ELAVL2: variants seen among roughly 807,000 people sequenced by gnomAD.
ELAVL2 encodes the protein ELAV like RNA binding protein 2, also known as ELAV-like protein 2.
Under a neutral mutation model 34.6 loss-of-function variants are expected in ELAVL2, and 4 were observed. The ratio of observed to expected loss-of-function variants is 0.12; its 90% CI spans 0.06 to 0.26. The LOEUF is 0.26. Among genes scored for constraint, ELAVL2 ranks in the 10% least tolerant of loss-of-function variants. ELAVL2 has a pLI of 1.00. For synonymous variants in ELAVL2, 193 were observed against 154.8 expected, an observed-to-expected ratio of 1.25 and a Z score of -1.83; for missense variants, 432 against 442.8, an observed-to-expected ratio of 0.98 and a Z score of 0.22.
chr9:23,848,941 G>A, the ELAVL2 span, among the ~76,000 whole-genome samples: 1 of 152,124 alleles, frequency 6.6e-6, no homozygotes, highest in South Asian at 2.1e-4. Flanking sequence ...CAACAGCCCT[G>A]GATAAGCTAA....
intron 1 of ELAVL2, among the ~76,000 whole-genome samples, chr9:23,765,375 C>T (rs934012984): frequency 1.3e-5 from 2 of 152,122 alleles, no homozygotes; most frequent in Non-Finnish European, 2.9e-5. Flanking sequence ...ATGTAAACCA[C>T]ACCTCAAAAA....
rs200956697 is a variant in ELAVL2 at position 23,759,501 on chromosome 9, T to TA, written c.229+2504dup. On this transcript the variant is annotated intron_variant, in intron 2 of 6. Coordinates refer to ENST00000397312, the MANE Select transcript of ELAVL2 (RefSeq NM_004432.5). ...GTGTGCTATTCCACAGAAGGGTGAC[T>TA]ATGGTTAGCAATATTGTATAGTATA... Among the ~76,000 whole-genome samples, 1,497 of 151,662 alleles carry TA rather than the reference T, an allele frequency of 9.9e-3. 8 individuals carry two copies. Among genetic ancestry groups the TA allele is most frequent in the Middle Eastern group, 0.024 (7 of 294 alleles).
chr9:23,824,816 C>T (rs1009854131), intron 1 of ELAVL2, among the ~76,000 whole-genome samples: 1 of 152,160 alleles, frequency 6.6e-6, no homozygotes, highest in Non-Finnish European at 1.5e-5. Context: ...CTCCTGGCGT[C>T]AATTTAACAA....
intron 3 of ELAVL2, among the ~76,000 whole-genome samples, chr9:23,706,062 C>G (rs533727436): frequency 1.2e-4 from 18 of 152,270 alleles, no homozygotes; most frequent in African/African-American, 4.1e-4. Context: ...AATGTGTGAA[C>G]AAGCCCTCAT....
At chr9:23,715,097 T>C (rs376356093) in intron 3 of ELAVL2, among the ~76,000 whole-genome samples, 14 of 152,322 alleles carry the variant, frequency 9.2e-5, no homozygotes, top group African/African-American at 3.1e-4. Flanking sequence ...CTATCTCACA[T>C]AGTCCCACCC....
At chr9:23,754,489 G>A (rs1325937406) in intron 2 of ELAVL2, among the ~76,000 whole-genome samples, 1 of 151,154 alleles carries the variant, frequency 6.6e-6, no homozygotes, top group Non-Finnish European at 1.5e-5. Flanking sequence ...GTCTTGCTCT[G>A]TCACACAGGC....
chr9:23,807,864 G>A (rs924152215), intron 1 of ELAVL2, among the ~76,000 whole-genome samples: 1 of 152,100 alleles, frequency 6.6e-6, no homozygotes, highest in African/African-American at 2.4e-5. Flanking sequence ...CAAAGCCATG[G>A]GTAAAGAGAA....
intron 3 of ELAVL2, among the ~76,000 whole-genome samples, chr9:23,715,137 C>T (rs1329040): frequency 0.23 from 34,814 of 152,096 alleles, 4,282 homozygotes; most frequent in South Asian, 0.42. Context: ...ACCTGTTGAA[C>T]GTATACATTC....
chr9:23,692,479 T>TA lies in ELAVL2; in HGVS notation c.*77dup. On this transcript the variant is annotated 3_prime_UTR_variant, in exon 7 of 7. Transcript: ENST00000397312. ...CTCAACACTGACTTACAAAGACATT[T>TA]ACTAATGTATAAAGTTTCTCTTAAC... 1 of 1,414,664 alleles carries TA rather than the reference T, an allele frequency of 7.1e-7. No homozygotes were observed. The highest frequency in any genetic ancestry group is 9.5e-7 in the Non-Finnish European group (1 of 1,052,798). The allele number at this position is 1,414,664 out of a possible 1,614,324, so 87.6% of individuals were successfully genotyped here. A position where few individuals can be genotyped will look rare whatever the true frequency, so the allele number is the denominator to read the frequency against.
intron 1 of ELAVL2, 104 bp from the exon 2 acceptor site, chr9:23,762,353 A>C (rs1342017580): frequency 5.6e-6 from 8 of 1,438,302 alleles, no homozygotes; most frequent in Non-Finnish European, 7.5e-6. Flanking sequence ...AGTCGTTCTA[A>C]TGAAATTACA....
intron 3 of ELAVL2, among the ~76,000 whole-genome samples, chr9:23,723,998 C>T (rs1163604506): frequency 6.6e-6 from 1 of 152,144 alleles, no homozygotes; most frequent in East Asian, 1.9e-4. Flanking sequence ...TCTTTTAATT[C>T]CAATGGAGGT....
intron 1 of ELAVL2, among the ~76,000 whole-genome samples, chr9:23,797,660 G>C (rs1474047442): frequency 6.6e-6 from 1 of 152,248 alleles, no homozygotes; most frequent in Non-Finnish European, 1.5e-5. Flanking sequence ...GGGCGTGGTG[G>C]CTTACGCCTG....
intron 2 of ELAVL2, among the ~76,000 whole-genome samples, chr9:23,751,008 G>GT (rs1176295488): frequency 3.3e-5 from 5 of 152,102 alleles, no homozygotes; most frequent in African/African-American, 1.2e-4. Flanking sequence ...GACTTTCTCA[G>GT]TATTAAGTCC....
chr9:23,830,829 T>C (rs1285702712), upstream of ELAVL2, among the ~76,000 whole-genome samples: 2 of 151,968 alleles, frequency 1.3e-5, no homozygotes, highest in East Asian at 1.9e-4. Flanking sequence ...CAATAGCAAC[T>C]TTTAGGAGGA....
At chr9:23,850,260 C>G in the ELAVL2 span, among the ~76,000 whole-genome samples, 1 of 150,274 alleles carries the variant, frequency 6.7e-6, no homozygotes, top group Non-Finnish European at 1.5e-5. Context: ...AGCACCCCCG[C>G]GATTACCCGA....
At chr9:23,715,949 C>T (rs2042179273) in intron 3 of ELAVL2, among the ~76,000 whole-genome samples, 1 of 152,160 alleles carries the variant, frequency 6.6e-6, no homozygotes, top group African/African-American at 2.4e-5. Context: ...CTTTCATACA[C>T]TTCTTCATCC....
intron 1 of ELAVL2, among the ~76,000 whole-genome samples, chr9:23,773,556 T>C (rs2057685130): frequency 6.6e-6 from 1 of 152,194 alleles, no homozygotes; most frequent in Non-Finnish European, 1.5e-5. Context: ...TATGAGCATA[T>C]ATGTATATGT....
At chr9:23,848,320 A>C in the ELAVL2 span, among the ~76,000 whole-genome samples, 4 of 152,242 alleles carry the variant, frequency 2.6e-5, no homozygotes, top group African/African-American at 9.6e-5. Flanking sequence ...TCTTGCTAAT[A>C]CAAAGACATA....
chr9:23,719,460 G>A (rs1387100122), intron 3 of ELAVL2, among the ~76,000 whole-genome samples: 1 of 152,128 alleles, frequency 6.6e-6, no homozygotes, highest in Non-Finnish European at 1.5e-5. Flanking sequence ...CTCAGACATT[G>A]CTTAATGAAG....
Sources: gnomAD v4.1 joint callset for allele counts (sites outside exome capture counted in the v4.1 genomes callset) on GRCh38, gnomAD v4.1.1 for gene constraint, MANE v1.5 for transcripts, NCBI Gene and HGNC (gene_info 2026-07-23, HGNC 2026-07-21) for gene names.